FOXO3: variants seen among roughly 807,000 people sequenced by gnomAD.
The protein encoded by FOXO3 is forkhead box O3, also known as forkhead box protein O3.
Under a neutral mutation model 41.9 loss-of-function variants are expected in FOXO3, and 4 were observed. The ratio of observed to expected loss-of-function variants is 0.10; its 90% confidence interval spans 0.05 to 0.22. The LOEUF is 0.22. FOXO3 is among the 10% of genes least tolerant of loss of function. The probability of loss-of-function intolerance (pLI) is 1.00; values close to 1 mark genes in which losing one functional copy is unlikely to be tolerated. For missense variants in FOXO3, 534 were observed against 906.8 expected, an observed-to-expected ratio of 0.59 and a Z score of 5.28; for synonymous variants, 318 against 389.3, an observed-to-expected ratio of 0.82 and a Z score of 2.16.
intron 1 of FOXO3, chr6:108,656,505 C>A (rs914883985): frequency 1.0e-6 from 1 of 985,186 alleles, no homozygotes; most frequent in Non-Finnish European, 1.2e-6. Context: ...GCCCTGGAAC[C>A]TTTTGGCTTA....
chr6:108,569,270 G>C (rs1295424546), intron 1 of FOXO3, among the ~76,000 whole-genome samples: 3 of 152,252 alleles, frequency 2.0e-5, no homozygotes, highest in African/African-American at 4.8e-5. Context: ...GGTTAGGCTA[G>C]TGATGATGAT....
intron 1 of FOXO3, among the ~76,000 whole-genome samples, chr6:108,632,022 C>A (rs970882308): frequency 6.6e-6 from 1 of 152,096 alleles, no homozygotes; most frequent in Non-Finnish European, 1.5e-5. Context: ...GTTCCTCTAT[C>A]GCCTGAATTT....
chr6:108,604,214 G>A (rs1004559801), intron 1 of FOXO3, among the ~76,000 whole-genome samples: 22 of 152,048 alleles, frequency 1.4e-4, no homozygotes, highest in African/African-American at 5.1e-4. Flanking sequence ...GATATTTTAG[G>A]AAAGATATGG....
At chr6:108,634,128 CCA>C (rs1238167700) in intron 1 of FOXO3, among the ~76,000 whole-genome samples, 5 of 152,142 alleles carry the variant, frequency 3.3e-5, no homozygotes, top group Non-Finnish European at 7.3e-5. Context: ...CTCCACTGTG[CCA>C]CAGTTTCCTC....
intron 1 of FOXO3, among the ~76,000 whole-genome samples, chr6:108,655,638 G>T (rs1323124011): frequency 1.3e-5 from 2 of 152,164 alleles, no homozygotes; most frequent in African/African-American, 4.8e-5. Flanking sequence ...TAATAGGCGG[G>T]GTGAAGAACT....
At chr6:108,651,327 A>G (rs1261088243) in intron 1 of FOXO3, among the ~76,000 whole-genome samples, 1 of 152,200 alleles carries the variant, frequency 6.6e-6, no homozygotes, top group East Asian at 1.9e-4. Context: ...CTGCTTCCAA[A>G]TGCATGCACA....
At chr6:108,629,557 C>T (rs1179225940) in intron 1 of FOXO3, among the ~76,000 whole-genome samples, 1 of 152,088 alleles carries the variant, frequency 6.6e-6, no homozygotes, top group East Asian at 1.9e-4. Context: ...ATATTGTAAG[C>T]AAATATTCTC....
intron 1 of FOXO3, among the ~76,000 whole-genome samples, chr6:108,580,183 A>ATTTTTTTTTTTTTTTTTTT (rs11395032): frequency 2.1e-5 from 2 of 93,072 alleles, no homozygotes; most frequent in Non-Finnish European, 3.8e-5. Flanking sequence ...GCTCTTCTTC[A>ATTTTTTTTTTTTTTTTTTT]TTTTTTTTTT....
intron 1 of FOXO3, among the ~76,000 whole-genome samples, chr6:108,582,743 C>G (rs955407864): frequency 3.3e-5 from 5 of 151,866 alleles, no homozygotes; most frequent in African/African-American, 4.8e-5. Context: ...AAAGCTGACT[C>G]TGACCCAGGA....
upstream of FOXO3, chr6:108,560,763 G>C: frequency 3.7e-6 from 1 of 273,724 alleles, no homozygotes. Context: ...CCGCTTTAAA[G>C]GCGCGGCCGC....
In FOXO3 at chr6:108,664,116, G is replaced by A. The variant is rs771700859; in HGVS notation, c.1283G>A (p.Ser428Asn). 10 of 1,614,136 alleles carry A rather than the reference G, an allele frequency of 6.2e-6. No individual in the cohort carries two copies. In the East Asian group the frequency reaches 1.6e-4, roughly 25 times the overall value. ...GGCTCGGGCCTGGGCTCCCCAACCAGCTCCTTTAACAGCACGGTGTTCGGA... is the reference window on the plus strand; with the variant it reads ...GGCTCGGGCCTGGGCTCCCCAACCAACTCCTTTAACAGCACGGTGTTCGGA... ...TKGSGLGSPT[S>N]SFNSTVFGPS... Residue 428 changes from serine (S) to asparagine (N), a missense_variant, in exon 2 of 3, where the codon AGC becomes AAC. By Grantham distance (46) the Ser-to-Asn change is conservative. Around this residue, in one of 8 missense-constraint regions of FOXO3, gnomAD observed 185 missense variants for 224.9 expected, o/e 0.82. Transcript: ENST00000406360.
At chr6:108,585,444 T>A (rs1041300397) in intron 1 of FOXO3, among the ~76,000 whole-genome samples, 12 of 152,250 alleles carry the variant, frequency 7.9e-5, no homozygotes, top group Non-Finnish European at 1.2e-4. Flanking sequence ...TAGATTTTGC[T>A]GAAAGCACCA....
At chr6:108,668,538 GA>G (rs1176044926) in intron 2 of FOXO3, among the ~76,000 whole-genome samples, 2 of 152,170 alleles carry the variant, frequency 1.3e-5, no homozygotes, top group Non-Finnish European at 2.9e-5. Flanking sequence ...CTCTCTGAGG[GA>G]AACCAGCTTC....
intron 1 of FOXO3, among the ~76,000 whole-genome samples, chr6:108,613,671 C>A (rs536977126): frequency 6.6e-6 from 1 of 151,976 alleles, no homozygotes; most frequent in Admixed American, 6.6e-5. Context: ...ATCTTTTAAA[C>A]GAATTAACAT....
chr6:108,615,947 C>A (rs1485087280), intron 1 of FOXO3, among the ~76,000 whole-genome samples: 1 of 151,476 alleles, frequency 6.6e-6, no homozygotes, highest in African/African-American at 2.4e-5. Context: ...AATTTCCTGC[C>A]TTTTTTCCCT....
chr6:108,626,715 G>C (rs1006370071), intron 1 of FOXO3, among the ~76,000 whole-genome samples: 7 of 151,802 alleles, frequency 4.6e-5, no homozygotes, highest in Non-Finnish European at 8.8e-5. Context: ...GAAATTTTAT[G>C]TTCCCTAGTT....
intron 1 of FOXO3, among the ~76,000 whole-genome samples, chr6:108,660,728 C>T (rs915182970): frequency 2.0e-5 from 3 of 151,552 alleles, no homozygotes; most frequent in African/African-American, 4.9e-5. Context: ...AAAATTAGGC[C>T]GGGCATGGTG....
chr6:108,617,246 C>G (rs553980620), intron 1 of FOXO3, among the ~76,000 whole-genome samples: 72 of 152,220 alleles, frequency 4.7e-4, no homozygotes, highest in African/African-American at 1.5e-3. Flanking sequence ...TAGTTCAGTG[C>G]CCTTGTCTGC....
Position 108,566,010 on chromosome 6 carries a change from A to G in FOXO3, c.621+4181A>G, listed in dbSNP as rs1000923974. Among the ~76,000 whole-genome samples, 12 of 152,142 alleles carry G rather than the reference A, an allele frequency of 7.9e-5. 1 individual carries two copies. The highest frequency in any genetic ancestry group is 3.8e-4 in the East Asian group (2 of 5,198). ...TCTGTCTGCTTGGCCCGTGTTGCCAAAATGTCGTTTTGTAATTTCCTTTGG... is the reference window on the plus strand; with the variant it reads ...TCTGTCTGCTTGGCCCGTGTTGCCAGAATGTCGTTTTGTAATTTCCTTTGG... On this transcript the variant is annotated intron_variant, in intron 1 of 2. Coordinates refer to ENST00000406360, the MANE Select transcript of FOXO3 (RefSeq NM_001455.4).
Sources: gnomAD v4.1 joint callset for allele counts (sites outside exome capture counted in the v4.1 genomes callset) on GRCh38, gnomAD v4.1.1 for gene constraint, gnomAD v4.1.1 regional missense constraint, MANE v1.5 for transcripts, NCBI Gene and HGNC (gene_info 2026-07-23, HGNC 2026-07-21) for gene names.